SPAG16: variants seen among roughly 807,000 people sequenced by gnomAD.
SPAG16 encodes sperm-associated antigen 16 protein.
In SPAG16, 86 loss-of-function variants were observed where a neutral mutation model predicts 80.4. The ratio of observed to expected loss-of-function variants is 1.07; its 90% CI spans 0.90 to 1.28. SPAG16 has a LOEUF of 1.28. Among genes scored for constraint, SPAG16 ranks in the 50% most tolerant of loss-of-function variants. The pLI is 0.00. For missense variants in SPAG16, 870 were observed against 765.3 expected, an observed-to-expected ratio of 1.14 and a Z score of -1.61; for synonymous variants, 294 against 265.9, an observed-to-expected ratio of 1.11 and a Z score of -1.03.
chr2:213,672,856 T>G (rs1430834945), intron 10 of SPAG16, among the ~76,000 whole-genome samples: 1 of 143,478 alleles, frequency 7.0e-6, no homozygotes, highest in Non-Finnish European at 1.5e-5. Flanking sequence ...TTTTATTTTG[T>G]TTGTTTTTTT....
At chr2:213,760,845 T>C (rs976056210) in intron 10 of SPAG16, among the ~76,000 whole-genome samples, 6 of 152,160 alleles carry the variant, frequency 3.9e-5, no homozygotes, top group Admixed American at 1.3e-4. Context: ...GCAAGGGACA[T>C]CCTATGGCAG....
intron 7 of SPAG16, 44 bp downstream of exon 7, chr2:213,350,689 T>A: frequency 1.8e-6 from 2 of 1,125,886 alleles, no homozygotes; most frequent in Middle Eastern, 2.1e-4. Flanking sequence ...CTTTTAATCA[T>A]TTTTTTAATA....
At chr2:214,345,111 T>A (rs1481514245) in intron 15 of SPAG16, among the ~76,000 whole-genome samples, 1 of 152,178 alleles carries the variant, frequency 6.6e-6, no homozygotes, top group Non-Finnish European at 1.5e-5. Flanking sequence ...TAGTCTTATT[T>A]GACTACTGAA....
chr2:213,882,321 T>TC (rs1190761563), intron 11 of SPAG16, among the ~76,000 whole-genome samples: 1 of 152,184 alleles, frequency 6.6e-6, no homozygotes, highest in Non-Finnish European at 1.5e-5. Flanking sequence ...TGCCATGTTT[T>TC]CATATTAGGC....
intron 10 of SPAG16, among the ~76,000 whole-genome samples, chr2:213,672,574 C>G (rs1671771393): frequency 6.6e-6 from 1 of 152,050 alleles, no homozygotes; most frequent in South Asian, 2.1e-4. Flanking sequence ...TCTTCAAGAG[C>G]TCTATATTTG....
intron 9 of SPAG16, among the ~76,000 whole-genome samples, chr2:213,392,232 T>A (rs1357228002): frequency 6.6e-6 from 1 of 152,218 alleles, no homozygotes; most frequent in Non-Finnish European, 1.5e-5. Flanking sequence ...CTAATCCACT[T>A]AAGTGCTGAT....
chr2:213,989,051 G>A (rs2046156877), intron 12 of SPAG16, among the ~76,000 whole-genome samples: 1 of 152,066 alleles, frequency 6.6e-6, no homozygotes, highest in African/African-American at 2.4e-5. Context: ...ATCTAGGTTT[G>A]TGCTGGGTCA....
At chr2:213,656,207 TG>T (rs1210064710) in intron 10 of SPAG16, among the ~76,000 whole-genome samples, 1 of 152,234 alleles carries the variant, frequency 6.6e-6, no homozygotes, top group Non-Finnish European at 1.5e-5. Flanking sequence ...TGCCTTTTTT[TG>T]TTTTTGGGAC....
chr2:213,819,102 T>G (rs552044779), intron 10 of SPAG16, among the ~76,000 whole-genome samples: 4 of 152,258 alleles, frequency 2.6e-5, no homozygotes, highest in Admixed American at 2.0e-4. Context: ...CTTGAAGGAG[T>G]GGAACATTTC....
intron 10 of SPAG16, among the ~76,000 whole-genome samples, chr2:213,772,148 G>GTGAA: frequency 6.6e-6 from 1 of 152,048 alleles, no homozygotes. Flanking sequence ...TCATTGAAGA[G>GTGAA]GTCCTTCACT....
intron 10 of SPAG16, among the ~76,000 whole-genome samples, chr2:213,705,002 C>T (rs1264932928): frequency 6.6e-6 from 1 of 152,144 alleles, no homozygotes; most frequent in African/African-American, 2.4e-5. Context: ...CCTGTAATCC[C>T]AGCACTTTGG....
At chr2:214,376,869 C>T (rs1700163850) in intron 15 of SPAG16, among the ~76,000 whole-genome samples, 1 of 152,146 alleles carries the variant, frequency 6.6e-6, no homozygotes, top group Non-Finnish European at 1.5e-5. Flanking sequence ...TCAGTTGACC[C>T]TGGAACAACA....
At chr2:213,475,900 G>A (rs920838577) in intron 9 of SPAG16, among the ~76,000 whole-genome samples, 2 of 152,140 alleles carry the variant, frequency 1.3e-5, no homozygotes, top group African/African-American at 4.8e-5. Context: ...AAAGCTCCTT[G>A]TATTTTCAGG....
chr2:214,191,758 C>A (rs2057673216), intron 15 of SPAG16, among the ~76,000 whole-genome samples: 1 of 146,314 alleles, frequency 6.8e-6, no homozygotes, highest in Admixed American at 6.8e-5. Context: ...AACCAGGATG[C>A]TGTGAACCAA....
intron 12 of SPAG16, among the ~76,000 whole-genome samples, chr2:214,006,108 A>G (rs1430860555): frequency 6.6e-6 from 1 of 151,672 alleles, no homozygotes; most frequent in African/African-American, 2.4e-5. Context: ...ACACGGATAG[A>G]TATTTTTTAA....
At chr2:213,847,101 G>T (rs2074669110) in intron 10 of SPAG16, among the ~76,000 whole-genome samples, 1 of 152,080 alleles carries the variant, frequency 6.6e-6, no homozygotes, top group South Asian at 2.1e-4. Context: ...GGCAGATTAA[G>T]TTTCCTCATG....
At chr2:213,906,291 A>G (rs1237920907) in intron 11 of SPAG16, among the ~76,000 whole-genome samples, 2 of 152,194 alleles carry the variant, frequency 1.3e-5, no homozygotes, top group Non-Finnish European at 1.5e-5. Flanking sequence ...TAAATGGATA[A>G]GATACCTAAG....
At chr2:214,027,129 C>A (rs2048172185) in intron 13 of SPAG16, among the ~76,000 whole-genome samples, 1 of 151,504 alleles carries the variant, frequency 6.6e-6, no homozygotes, top group South Asian at 2.1e-4. Context: ...CTTAGAAACA[C>A]ACCCTTAAAA....
intron 15 of SPAG16, among the ~76,000 whole-genome samples, chr2:214,219,402 A>T (rs2058507512): frequency 6.6e-6 from 1 of 151,756 alleles, no homozygotes. Flanking sequence ...TATCAAATAG[A>T]ATAGAAACAA....
Sources: gnomAD v4.1 joint callset for allele counts (sites outside exome capture counted in the v4.1 genomes callset) on GRCh38, gnomAD v4.1.1 for gene constraint, MANE v1.5 for transcripts, NCBI Gene and HGNC (gene_info 2026-07-23, HGNC 2026-07-21) for gene names.